The following ATP8B2 variants were observed in gnomAD, a reference collection of about 807,000 sequenced individuals.
ATP8B2 encodes ATPase phospholipid transporting 8B2.
In ATP8B2, 70 loss-of-function variants were observed where a neutral mutation model predicts 133.4. The ratio of observed to expected loss-of-function variants is 0.52; its 90% CI spans 0.43 to 0.64. The LOEUF (loss-of-function observed/expected upper bound fraction) is 0.64. ATP8B2 is among the 30% of genes least tolerant of loss of function. The probability of loss-of-function intolerance (pLI) is 0.00; values close to 1 mark genes in which losing one functional copy is unlikely to be tolerated. For missense variants in ATP8B2, 1,101 were observed against 1,535.7 expected, an observed-to-expected ratio of 0.72 and a Z score of 4.73; for synonymous variants, 517 against 589.5, an observed-to-expected ratio of 0.88 and a Z score of 1.78.
At chr1:154,342,211 G>T (rs979907782) in intron 13 of ATP8B2, among the ~76,000 whole-genome samples, 2 of 152,038 alleles carry the variant, frequency 1.3e-5, no homozygotes, top group African/African-American at 4.8e-5. Flanking sequence ...CCTGAGGGGG[G>T]TGCCGCCTAG....
At chr1:154,330,585 C>G in intron 3 of ATP8B2, 131 bp downstream of exon 3, 1 of 940,332 alleles carries the variant, frequency 1.1e-6, no homozygotes, top group Non-Finnish European at 1.6e-6. Context: ...TCCTCAGCCA[C>G]TCTCCATCTG....
Position 154,344,274 on chromosome 1 carries a change from G to C in ATP8B2, c.2035+20G>C. 6.2e-7 allele frequency: 1 copy of C among 1,614,146 alleles called. No homozygotes were observed. The highest frequency in any genetic ancestry group is 8.5e-7 in the Non-Finnish European group (1 of 1,179,982). On this transcript the variant is annotated intron_variant, in intron 19 of 27. Transcript: ENST00000368489. The surrounding 1 kb of genome is among the most constrained non-coding windows in gnomAD (Gnocchi z 4.1). The stretch of plus-strand genomic sequence containing the variant: ...AGCAAGGTGAGAGCCCAGCAGGGCA[G>C]AGCCAGTTGCAACTGACAGTAGCCC...
Position 154,350,381 on chromosome 1 carries a change from G to A in ATP8B2, c.*1263G>A, listed in dbSNP as rs979559593. 4.2e-4 allele frequency: 64 copies of A among 152,258 alleles called. 1 individual carries two copies. The highest frequency in any genetic ancestry group is 1.5e-3 in the African/African-American group (61 of 41,526). The allele number at this position is 152,258 out of a possible 1,614,324, so 9.4% of individuals were successfully genotyped here. ...ACCACACCCAGCTCAGGGAGGCGTAGTTTTCTTTAATTTTAAATTTAAACC... is the reference window on the plus strand; with the variant it reads ...ACCACACCCAGCTCAGGGAGGCGTAATTTTCTTTAATTTTAAATTTAAACC... On this transcript the variant is annotated 3_prime_UTR_variant, in exon 28 of 28. Coordinates refer to ENST00000368489, the MANE Select transcript of ATP8B2 (RefSeq NM_001370597.1).
Position 154,334,508 on chromosome 1 carries a change from G to T in ATP8B2, c.754G>T (p.Asp252Tyr). The change falls in exon 11 of 28, where the codon GAC becomes TAC. Residue 252 changes from aspartate to tyrosine, a missense_variant. Coordinates refer to ENST00000368489, the MANE Select transcript of ATP8B2 (RefSeq NM_001370597.1). This position sits in a 1 kb window ranked among gnomAD's most constrained non-coding sequence, Gnocchi z 4.6. Reference protein sequence around the residue: ...CFGLVIFAGPDTKLMQNSGRT... With the variant: ...CFGLVIFAGPYTKLMQNSGRT... ...CCCTTCCCATTCTTTTCCAGGTCCC[G>T]ACACTAAGCTGATGCAAAACAGCGG... 1.9e-6 allele frequency: 3 copies of T among 1,614,030 alleles called. No homozygotes were observed. In the South Asian group the frequency reaches 3.3e-5, roughly 18 times the overall value.
In ATP8B2 at chr1:154,350,702, G is replaced by A. The variant is rs979784889; in HGVS notation, c.*1584G>A. The A allele has an allele frequency of 6.6e-6, 1 of 152,356 alleles. No individual in the cohort carries two copies. The highest frequency in any genetic ancestry group is 1.5e-5 in the Non-Finnish European group (1 of 68,090). 9.4% of individuals were successfully genotyped at this position (152,356 alleles called of 1,614,324 possible). A position where few individuals can be genotyped will look rare whatever the true frequency, so the allele number is the denominator to read the frequency against. On this transcript the variant is annotated 3_prime_UTR_variant, in exon 28 of 28. Transcript: ENST00000368489. The stretch of plus-strand genomic sequence containing the variant: ...TTGGTCTGGATGGGACACTGTCAGA[G>A]TTTGGCCACAGCCTGTCCTTTACTT...
At position 154,328,933 on chromosome 1, in the gene ATP8B2, C is replaced by G; in HGVS notation, c.31+761C>G. On this transcript the variant is annotated intron_variant, in intron 2 of 27. Coordinates refer to ENST00000368489, the MANE Select transcript of ATP8B2 (RefSeq NM_001370597.1). The surrounding 1 kb of genome is among the most constrained non-coding windows in gnomAD (Gnocchi z 4.6). ...TCCCCGGGGAGCCGCCCCGTCGATG[C>G]CACTAAGGCCAAGGACATATAGACG... The G allele has an allele frequency of 7.7e-7, 1 of 1,295,328 alleles. No individual in the cohort carries two copies. The highest frequency in any genetic ancestry group is 1.0e-6 in the Non-Finnish European group (1 of 985,132). 80.2% of individuals were successfully genotyped at this position (1,295,328 alleles called of 1,614,324 possible).
At position 154,334,805 on chromosome 1, in the gene ATP8B2, T is replaced by TA. The variant is rs1161367456; in HGVS notation, c.837+217dup. Among the ~76,000 whole-genome samples, 2 of 152,138 alleles carry TA rather than the reference T, an allele frequency of 1.3e-5. No individual in the cohort carries two copies. The highest frequency in any genetic ancestry group is 2.9e-5 in the Non-Finnish European group (2 of 68,030). ...CAGGAACGTGCATGAATCAACAACT[T>TA]AAAGCTAAAACAAATCATCCCTTCT... On this transcript the variant is annotated intron_variant, in intron 11 of 27. Transcript: ENST00000368489. This position sits in a 1 kb window ranked among gnomAD's most constrained non-coding sequence, Gnocchi z 4.6.
At position 154,331,154 on chromosome 1, in the gene ATP8B2, G is replaced by T; in HGVS notation, c.303+8G>T. 1 of 1,610,888 alleles carries T rather than the reference G, an allele frequency of 6.2e-7. No homozygotes were observed. Among genetic ancestry groups the T allele is most frequent in the Non-Finnish European group, 8.5e-7 (1 of 1,177,272 alleles). On this transcript the variant is annotated splice_region_variant and intron_variant, in intron 5 of 27. Coordinates refer to ENST00000368489, the MANE Select transcript of ATP8B2 (RefSeq NM_001370597.1). This position sits in a 1 kb window ranked among gnomAD's most constrained non-coding sequence, Gnocchi z 4.8. The stretch of plus-strand genomic sequence containing the variant: ...GATGCCACTGATGACTATGTGAGTG[G>T]TTTTCATTCTTCTATTTTGTCCCAG...
chr1:154,351,214 A>G lies in ATP8B2; in HGVS notation c.*2096A>G, dbSNP rs1686779110. 1.3e-5 allele frequency: 2 copies of G among 152,264 alleles called. No individual in the cohort carries two copies. The highest frequency in any genetic ancestry group is 4.8e-5 in the African/African-American group (2 of 41,384). 9.4% of individuals were successfully genotyped at this position (152,264 alleles called of 1,614,324 possible). ...CATTGAGCTGTAATTAAGGAACATT[A>G]TAATTTATGACACATTTCTATACTT... is the stretch of plus-strand genomic sequence containing the variant. On this transcript the variant is annotated 3_prime_UTR_variant, in exon 28 of 28. Coordinates refer to ENST00000368489, the MANE Select transcript of ATP8B2 (RefSeq NM_001370597.1).
In ATP8B2 at chr1:154,340,677, G is replaced by A; in HGVS notation, c.1035-177G>A. 1.6e-6 allele frequency: 1 copy of A among 636,756 alleles called. No homozygotes were observed. The highest frequency in any genetic ancestry group is 1.9e-5 in the South Asian group (1 of 51,652). The allele number at this position is 636,756 out of a possible 1,614,324, so 39.4% of individuals were successfully genotyped here. On this transcript the variant is annotated intron_variant, in intron 12 of 27. Transcript: ENST00000368489. The surrounding 1 kb of genome is among the most constrained non-coding windows in gnomAD (Gnocchi z 4.0). ...GGGTCGGGGCGTTCCTCTGCTGGCT[G>A]TGTGCAGCCGGCTCCACCTTCAGGC...
chr1:154,338,457 C>T (rs1009395888), intron 12 of ATP8B2, among the ~76,000 whole-genome samples: 5 of 152,084 alleles, frequency 3.3e-5, no homozygotes, highest in Admixed American at 1.3e-4. Flanking sequence ...GTCAGGAATT[C>T]GAGACCAGCC....
intron 8 of ATP8B2, 25 bp downstream of exon 8, chr1:154,332,049 C>A (rs1350683557): frequency 6.3e-7 from 1 of 1,599,686 alleles, no homozygotes. Context: ...CAGTGTCAGC[C>A]CTCTCCTTCT....
intron 2 of ATP8B2, among the ~76,000 whole-genome samples, chr1:154,329,713 A>G (rs1358859712): frequency 3.3e-5 from 5 of 152,056 alleles, no homozygotes; most frequent in African/African-American, 4.8e-5. Context: ...TCCCTCCTCT[A>G]TCTCTATCTC....
At chr1:154,337,661 C>T (rs1251291712) in intron 12 of ATP8B2, 117 bp downstream of exon 12, 9 of 1,605,856 alleles carry the variant, frequency 5.6e-6, no homozygotes, top group Non-Finnish European at 7.6e-6. Flanking sequence ...TCTTCCTGTA[C>T]TGTAAACATT....
chr1:154,332,690 G>A lies in ATP8B2; in HGVS notation c.582G>A (p.Lys194=). ...SELGDISKLA[K]FDGEVICEPP... is the part of the protein sequence containing the mutation. ...TGGGAGACATCAGTAAGCTTGCCAA[G>A]TTTGACGGTGAGTAATTTTGGAGGA... Residue 194 remains lysine, a synonymous_variant, in exon 9 of 28, where the codon AAG becomes AAA. Coordinates refer to ENST00000368489, the MANE Select transcript of ATP8B2 (RefSeq NM_001370597.1). The A allele has an allele frequency of 6.4e-7, 1 of 1,573,914 alleles. No homozygotes were observed. Among genetic ancestry groups the A allele is most frequent in the Non-Finnish European group, 8.6e-7 (1 of 1,157,918 alleles).
intron 26 of ATP8B2, among the ~76,000 whole-genome samples, chr1:154,348,094 T>C (rs538126771): frequency 1.3e-5 from 2 of 152,244 alleles, no homozygotes; most frequent in South Asian, 4.1e-4. Context: ...TTGGAGCAAC[T>C]GAATGGGTTG....
chr1:154,330,451 T>C lies in ATP8B2; in HGVS notation c.87T>C (p.Tyr29=). ...NDREYNEKFQ[Y]ASNCIKTSKY... is the part of the protein sequence containing the mutation. ...GAGAATACAATGAGAAATTCCAGTA[T>C]GCGGTAAGCGACTCTAGACCACCTG... Residue 29 remains tyrosine, a synonymous_variant, in exon 3 of 28, where the codon TAT becomes TAC. Transcript: ENST00000368489. 1 of 1,571,446 alleles carries C rather than the reference T, an allele frequency of 6.4e-7. No homozygotes were observed. The highest frequency in any genetic ancestry group is 8.7e-7 in the Non-Finnish European group (1 of 1,153,044).
chr1:154,336,581 G>A (rs1209710678), intron 11 of ATP8B2, among the ~76,000 whole-genome samples: 2 of 150,534 alleles, frequency 1.3e-5, no homozygotes, highest in African/African-American at 4.9e-5. Flanking sequence ...TCTGCCTCTC[G>A]GGTTCACGTG....
rs944772433 is a variant in ATP8B2, at chr1:154,346,889, A to G, written c.3163+131A>G. ...TTCTGTTTATTTTATTTATTTATTT[A>G]TTTATTTTCGAGAAGGAGTCTTGCC... is the stretch of plus-strand genomic sequence containing the variant. On this transcript the variant is annotated intron_variant, in intron 26 of 27. Coordinates refer to ENST00000368489, the MANE Select transcript of ATP8B2 (RefSeq NM_001370597.1). The surrounding 1 kb of genome is among the most constrained non-coding windows in gnomAD (Gnocchi z 4.5). The G allele has an allele frequency of 8.7e-7, 1 of 1,147,080 alleles. No individual in the cohort carries two copies. The highest frequency in any genetic ancestry group is 1.2e-6 in the Non-Finnish European group (1 of 854,234). The allele number at this position is 1,147,080 out of a possible 1,614,324, so 71.1% of individuals were successfully genotyped here. A position where few individuals can be genotyped will look rare whatever the true frequency, so the allele number is the denominator to read the frequency against.
Sources: gnomAD v4.1 joint callset for allele counts (sites outside exome capture counted in the v4.1 genomes callset) on GRCh38, gnomAD v4.1.1 for gene constraint, Gnocchi (gnomAD v3.1) non-coding constraint, MANE v1.5 for transcripts, NCBI Gene and HGNC (gene_info 2026-07-23, HGNC 2026-07-21) for gene names.